Variants in TBC1D32 observed in about 807,000 individuals in gnomAD.
TBC1D32 encodes TBC1 domain family member 32, also known as protein broad-minded.
In TBC1D32, 151 loss-of-function variants were observed where a neutral mutation model predicts 170.3. The observed-to-expected ratio is 0.89, with a 90% CI of 0.78 to 1.01. TBC1D32 has a LOEUF of 1.01. TBC1D32 is among the 50% of genes least tolerant of loss of function. TBC1D32 has a pLI of 0.00. For missense variants in TBC1D32, 1,464 were observed against 1,457.1 expected, an observed-to-expected ratio of 1.00 and a Z score of -0.08; for synonymous variants, 498 against 488.0, an observed-to-expected ratio of 1.02 and a Z score of -0.27.
intron 22 of TBC1D32, among the ~76,000 whole-genome samples, chr6:121,183,980 G>T (rs140187147): frequency 6.6e-6 from 1 of 152,128 alleles, no homozygotes; most frequent in East Asian, 1.9e-4. Flanking sequence ...TCTGCCCAAT[G>T]ATCTTAGGTT....
chr6:121,132,535 CTTT>C (rs922837669), intron 24 of TBC1D32, among the ~76,000 whole-genome samples: 1 of 151,942 alleles, frequency 6.6e-6, no homozygotes, highest in Non-Finnish European at 1.5e-5. Context: ...GTAACTGCTT[CTTT>C]GAGTCTTCAT....
intron 30 of TBC1D32, among the ~76,000 whole-genome samples, chr6:121,103,591 G>T (rs554351901): frequency 1.8e-5 from 2 of 111,500 alleles, no homozygotes; most frequent in Admixed American, 1.1e-4. Context: ...TTGTAGGGAG[G>T]GGGGAGGGGG....
chr6:121,099,852 T>C (rs1777818099), intron 30 of TBC1D32, among the ~76,000 whole-genome samples: 1 of 151,954 alleles, frequency 6.6e-6, no homozygotes, highest in South Asian at 2.1e-4. Flanking sequence ...ATCTGCTATT[T>C]GTATGTAGTT....
intron 9 of TBC1D32, among the ~76,000 whole-genome samples, chr6:121,302,845 T>C (rs1806694677): frequency 6.6e-6 from 1 of 152,174 alleles, no homozygotes; most frequent in Non-Finnish European, 1.5e-5. Context: ...AATTGTGTTC[T>C]GGTTAATTGG....
chr6:121,323,051 C>A (rs1469984650), intron 1 of TBC1D32, among the ~76,000 whole-genome samples: 1 of 152,074 alleles, frequency 6.6e-6, no homozygotes, highest in African/African-American at 2.4e-5. Context: ...TCCAGCTACC[C>A]ACCACATTTT....
chr6:121,091,783 C>T (rs1776829552), intron 30 of TBC1D32, among the ~76,000 whole-genome samples: 1 of 151,506 alleles, frequency 6.6e-6, no homozygotes, highest in South Asian at 2.1e-4. Context: ...AGCCCTAACC[C>T]CCAGAACCTC....
In TBC1D32 at chr6:121,281,945, C is replaced by T. The variant is rs999724445; in HGVS notation, c.1466-259G>A. 3.3e-5 allele frequency among the ~76,000 whole-genome samples: 5 copies of T among 151,570 alleles called. No individual in the cohort carries two copies. The East Asian group carries it at 7.7e-4, about 23-fold the overall frequency. ...CGAGAATACAAAATTATTTACTGTCCAACATTAAATTACTGCTTAATATTA... is the reference window on the plus strand; with the variant it reads ...CGAGAATACAAAATTATTTACTGTCTAACATTAAATTACTGCTTAATATTA... On this transcript the variant is annotated intron_variant, in intron 13 of 31. Coordinates refer to ENST00000398212, the MANE Select transcript of TBC1D32 (RefSeq NM_152730.6).
intron 13 of TBC1D32, among the ~76,000 whole-genome samples, chr6:121,282,832 A>C (rs1178140393): frequency 6.6e-6 from 1 of 151,922 alleles, no homozygotes; most frequent in African/African-American, 2.4e-5. Flanking sequence ...TCTATGCTGT[A>C]AGAGTGTATA....
In TBC1D32 at chr6:121,325,013, C is replaced by T. The variant is rs1810264479; in HGVS notation, c.156-3219G>A. Among the ~76,000 whole-genome samples the T allele has an allele frequency of 3.3e-5, 5 of 152,076 alleles. No homozygotes were observed. The South Asian group carries it at 1.0e-3, about 32-fold the overall frequency. On this transcript the variant is annotated intron_variant, in intron 1 of 31. Transcript: ENST00000398212. ...TCACCAGAGGTCAGGAGTTCAAGAC[C>T]AGCCTGGGCAACATGGTGAAACCCC...
intron 10 of TBC1D32, among the ~76,000 whole-genome samples, chr6:121,297,347 A>T (rs1333052699): frequency 6.6e-6 from 1 of 152,106 alleles, no homozygotes; most frequent in Admixed American, 6.6e-5. Flanking sequence ...CCTAAGACAG[A>T]AATTTTAAAA....
At chr6:121,287,454 T>A (rs1305022675) in intron 12 of TBC1D32, among the ~76,000 whole-genome samples, 1 of 152,294 alleles carries the variant, frequency 6.6e-6, no homozygotes, top group East Asian at 1.9e-4. Context: ...AAGAGCTAAC[T>A]ATCCTAAATA....
intron 22 of TBC1D32, among the ~76,000 whole-genome samples, chr6:121,171,321 TA>T (rs59558382): frequency 0.021 from 2,747 of 131,700 alleles, 27 homozygotes; most frequent in Middle Eastern, 0.033. Context: ...TCTTACAAGT[TA>T]AAAAAAAAAA....
intron 29 of TBC1D32, among the ~76,000 whole-genome samples, chr6:121,110,200 G>A (rs1368629345): frequency 1.3e-5 from 2 of 150,426 alleles, no homozygotes; most frequent in East Asian, 3.9e-4. Context: ...GCAGTGTGCC[G>A]AGATCATGCC....
chr6:121,179,167 G>T (rs965364414), intron 22 of TBC1D32, among the ~76,000 whole-genome samples: 1 of 151,572 alleles, frequency 6.6e-6, no homozygotes, highest in Admixed American at 6.6e-5. Context: ...AATGGCAGGG[G>T]GGATACATAT....
At chr6:121,217,681 T>C (rs1441422959) in intron 21 of TBC1D32, among the ~76,000 whole-genome samples, 1 of 152,084 alleles carries the variant, frequency 6.6e-6, no homozygotes, top group Non-Finnish European at 1.5e-5. Context: ...ACAGAAAAGA[T>C]AACTATTAGG....
intron 21 of TBC1D32, among the ~76,000 whole-genome samples, chr6:121,214,092 T>C (rs1481183458): frequency 6.6e-6 from 1 of 152,166 alleles, no homozygotes; most frequent in Non-Finnish European, 1.5e-5. Context: ...AGCAGAAAAT[T>C]GAAACTGGAC....
chr6:121,238,555 A>C (rs570608915), intron 20 of TBC1D32, among the ~76,000 whole-genome samples: 21 of 152,266 alleles, frequency 1.4e-4, no homozygotes, highest in African/African-American at 4.6e-4. Flanking sequence ...TTTGGAGAAT[A>C]TGTTAAATGT....
At chr6:121,158,281 G>T (rs1477374109) in intron 24 of TBC1D32, among the ~76,000 whole-genome samples, 1 of 152,130 alleles carries the variant, frequency 6.6e-6, no homozygotes, top group Admixed American at 6.6e-5. Flanking sequence ...GGTCTATTCT[G>T]CTATTAATAC....
chr6:121,172,429 G>A (rs1446546701), intron 22 of TBC1D32, among the ~76,000 whole-genome samples: 1 of 152,088 alleles, frequency 6.6e-6, no homozygotes, highest in African/African-American at 2.4e-5. Flanking sequence ...ATCCATTAGG[G>A]TGTCTCCTGG....
Sources: allele counts gnomAD v4.1 joint callset (sites outside exome capture counted in the v4.1 genomes callset), GRCh38; gene constraint gnomAD v4.1.1; transcripts MANE v1.5; gene names NCBI Gene and HGNC (gene_info 2026-07-23, HGNC 2026-07-21).